MACROD2: variants seen among roughly 807,000 people sequenced by gnomAD.
The protein encoded by MACROD2 is mono-ADP ribosylhydrolase 2, also known as ADP-ribose glycohydrolase MACROD2.
In MACROD2, 36 loss-of-function variants were observed where a neutral mutation model predicts 70.4. The ratio of observed to expected loss-of-function variants is 0.51; its 90% CI spans 0.39 to 0.68. The LOEUF is 0.68. MACROD2 is among the 30% of genes least tolerant of loss of function. The pLI is 0.00. For synonymous variants in MACROD2, 172 were observed against 178.8 expected (o/e 0.96, Z 0.30); for missense variants, 496 against 538.4 (o/e 0.92, Z 0.78).
intron 6 of MACROD2, among the ~76,000 whole-genome samples, chr20:15,259,834 C>A (rs975345114): frequency 1.3e-5 from 2 of 151,804 alleles, no homozygotes; most frequent in African/African-American, 4.8e-5. Context: ...CTGGGAGCAA[C>A]CACAATTTCT....
At chr20:14,923,728 C>T (rs900007366) in intron 5 of MACROD2, among the ~76,000 whole-genome samples, 1 of 149,310 alleles carries the variant, frequency 6.7e-6, no homozygotes, top group Non-Finnish European at 1.5e-5. Flanking sequence ...CGGCACGGGC[C>T]TCCAGGGCCA....
chr20:15,232,606 A>G (rs1463651902), intron 6 of MACROD2, among the ~76,000 whole-genome samples: 6 of 152,078 alleles, frequency 3.9e-5, no homozygotes, highest in Admixed American at 3.3e-4. Flanking sequence ...TCTGAAAAGT[A>G]TTTGACAATG....
chr20:14,409,277 C>T (rs2083723775), intron 3 of MACROD2, among the ~76,000 whole-genome samples: 2 of 151,336 alleles, frequency 1.3e-5, no homozygotes, highest in Non-Finnish European at 2.9e-5. Flanking sequence ...TTTGCTGTGA[C>T]CTTGCATTCA....
At chr20:14,623,164 A>G in intron 4 of MACROD2, 1 of 152,174 alleles carries the variant, frequency 6.6e-6, no homozygotes, top group East Asian at 1.9e-4. Flanking sequence ...CCTGTGTTAC[A>G]ACTGAATTAC....
At chr20:14,799,729 A>G (rs1158090053) in intron 5 of MACROD2, among the ~76,000 whole-genome samples, 4 of 152,064 alleles carry the variant, frequency 2.6e-5, no homozygotes, top group Non-Finnish European at 5.9e-5. Context: ...GTAACAGTAC[A>G]AAGCACCAGG....
intron 4 of MACROD2, among the ~76,000 whole-genome samples, chr20:14,662,295 T>C (rs1361570081): frequency 6.6e-6 from 1 of 152,006 alleles, no homozygotes; most frequent in Non-Finnish European, 1.5e-5. Flanking sequence ...ATGCAGAAGA[T>C]TGAAATTGGA....
Position 15,801,200 on chromosome 20 carries a change from A to AAAAAAAAAAG in MACROD2, c.646-61541_646-61540insAAAAAGAAAA, listed in dbSNP as rs749268333. 2.2e-5 allele frequency among the ~76,000 whole-genome samples: 3 copies of AAAAAAAAAAG among 137,820 alleles called. 1 individual carries two copies. Among genetic ancestry groups the AAAAAAAAAAG allele is most frequent in the Non-Finnish European group, 3.0e-5 (2 of 65,752 alleles). 90.4% of individuals were successfully genotyped at this position (137,820 alleles called of 152,430 possible). A position where few individuals can be genotyped will look rare whatever the true frequency, so the allele number is the denominator to read the frequency against. On this transcript the variant is annotated intron_variant, in intron 8 of 17. Transcript: ENST00000684519. ...GAATGATCAATTAAAAAAAAAAAAA[A>AAAAAAAAAAG]AAAACGAAAAACAAAACAAACAAAC...
At chr20:15,332,324 G>T (rs967107997) in intron 6 of MACROD2, among the ~76,000 whole-genome samples, 7 of 151,514 alleles carry the variant, frequency 4.6e-5, no homozygotes, top group Non-Finnish European at 1.0e-4. Context: ...ATCAATCTAA[G>T]GCTTTTATTT....
At chr20:15,060,045 T>C (rs1469697897) in intron 5 of MACROD2, among the ~76,000 whole-genome samples, 1 of 152,144 alleles carries the variant, frequency 6.6e-6, no homozygotes, top group African/African-American at 2.4e-5. Flanking sequence ...CTGGTACAAA[T>C]ATGTGAAGGA....
chr20:16,044,505 A>AT (rs1273837797), intron 16 of MACROD2, 66 bp from the exon 17 acceptor site: 6 of 1,360,216 alleles, frequency 4.4e-6, no homozygotes, highest in Non-Finnish European at 6.2e-6. Context: ...ATCATGGGTC[A>AT]TTTTAATGTG....
At chr20:15,287,604 G>A (rs1051325879) in intron 6 of MACROD2, among the ~76,000 whole-genome samples, 4 of 152,190 alleles carry the variant, frequency 2.6e-5, no homozygotes, top group African/African-American at 9.7e-5. Context: ...CTCTCTGCTA[G>A]TGATAGACAG....
At chr20:15,743,891 A>G (rs1250560225) in intron 8 of MACROD2, among the ~76,000 whole-genome samples, 1 of 152,190 alleles carries the variant, frequency 6.6e-6, no homozygotes, top group Non-Finnish European at 1.5e-5. Flanking sequence ...AAAAATAGGC[A>G]TAAGCTTAAA....
At chr20:14,459,532 G>C (rs1483758084) in intron 3 of MACROD2, among the ~76,000 whole-genome samples, 1 of 151,866 alleles carries the variant, frequency 6.6e-6, no homozygotes, top group Non-Finnish European at 1.5e-5. Context: ...ATGTAGGTAG[G>C]TATCTACCTA....
intron 3 of MACROD2, among the ~76,000 whole-genome samples, chr20:14,292,959 T>C (rs1161704429): frequency 6.6e-6 from 1 of 151,850 alleles, no homozygotes; most frequent in Non-Finnish European, 1.5e-5. Context: ...ATTCAGGAGA[T>C]GTTTCATTAG....
At chr20:15,774,993 T>C (rs1475344948) in intron 8 of MACROD2, among the ~76,000 whole-genome samples, 2 of 152,148 alleles carry the variant, frequency 1.3e-5, no homozygotes, top group African/African-American at 2.4e-5. Context: ...AGGAGAAGTT[T>C]GTTTCTCATA....
chr20:14,100,830 T>TATATA (rs367574917), intron 3 of MACROD2, among the ~76,000 whole-genome samples: 1 of 139,276 alleles, frequency 7.2e-6, no homozygotes, highest in Non-Finnish European at 1.6e-5. Context: ...ATATATAACA[T>TATATA]ATATAATATA....
At chr20:15,894,926 G>A (rs1057303826) in intron 10 of MACROD2, among the ~76,000 whole-genome samples, 17 of 152,132 alleles carry the variant, frequency 1.1e-4, no homozygotes, top group East Asian at 1.9e-4. Flanking sequence ...GTTGTAGTTC[G>A]GTCATTTTCT....
At chr20:15,398,240 G>A (rs1306880060) in intron 6 of MACROD2, among the ~76,000 whole-genome samples, 3 of 152,204 alleles carry the variant, frequency 2.0e-5, no homozygotes, top group Non-Finnish European at 4.4e-5. Flanking sequence ...TAAGGGAATA[G>A]AATTTTGGGG....
At chr20:15,103,908 G>T (rs2075891502) in intron 5 of MACROD2, among the ~76,000 whole-genome samples, 1 of 152,100 alleles carries the variant, frequency 6.6e-6, no homozygotes, top group Non-Finnish European at 1.5e-5. Flanking sequence ...AAGTAAAAAG[G>T]AAGTTTGGTA....
Sources: gnomAD v4.1 joint callset for allele counts (sites outside exome capture counted in the v4.1 genomes callset) on GRCh38, gnomAD v4.1.1 for gene constraint, MANE v1.5 for transcripts, NCBI Gene and HGNC (gene_info 2026-07-23, HGNC 2026-07-21) for gene names.